BBS2: variants seen among roughly 807,000 people sequenced by gnomAD.
BBS2 encodes BBSome complex member BBS2.
Under a neutral mutation model 83.0 loss-of-function variants are expected in BBS2, and 62 were observed. The ratio of observed to expected loss-of-function variants is 0.75; its 90% CI spans 0.61 to 0.92. BBS2 has a LOEUF of 0.92. Among genes scored for constraint, BBS2 ranks in the 40% least tolerant of loss-of-function variants. The pLI is 0.00. For missense variants in BBS2, 784 were observed against 901.0 expected (o/e 0.87, Z 1.66); for synonymous variants, 303 against 326.1 (o/e 0.93, Z 0.76).
At chr16:56,517,476 G>C (rs1597030584) in intron 1 of BBS2, among the ~76,000 whole-genome samples, 1 of 152,342 alleles carries the variant, frequency 6.6e-6, no homozygotes, top group South Asian at 2.1e-4. Context: ...TGTTTCCTCA[G>C]TTCCTTCAAA....
intron 1 of BBS2, among the ~76,000 whole-genome samples, chr16:56,517,156 C>A (rs1206035477): frequency 6.6e-6 from 1 of 152,196 alleles, no homozygotes; most frequent in African/African-American, 2.4e-5. Context: ...CATCCCGTCA[C>A]AGAACATCTG....
intron 7 of BBS2, among the ~76,000 whole-genome samples, chr16:56,503,884 A>G (rs1403535639): frequency 1.0e-4 from 15 of 150,746 alleles, no homozygotes; most frequent in Non-Finnish European, 1.8e-4. Context: ...GCGCCACTGC[A>G]CTCCAGCCTG....
At chr16:56,502,904 T>C in intron 7 of BBS2, 96 bp from the exon 8 acceptor site, 2 of 1,446,946 alleles carry the variant, frequency 1.4e-6, no homozygotes, top group Non-Finnish European at 1.9e-6. Flanking sequence ...TCATTTAGTC[T>C]AGCAGTTTTC....
Position 56,506,278 on chromosome 16 carries a change from G to C in BBS2, c.613-54C>G, listed in dbSNP as rs4784675. On this transcript the variant is annotated intron_variant, in intron 5 of 16. Transcript: ENST00000245157. ...TCTTTTCATTAAGACTCAGTTTACTGTCAAGTACGGCTTTATAAGACTTCA... is the reference window on the plus strand; with the variant it reads ...TCTTTTCATTAAGACTCAGTTTACTCTCAAGTACGGCTTTATAAGACTTCA... 210,012 of 1,352,452 alleles carry C rather than the reference G, an allele frequency of 0.16. 17,360 individuals carry two copies. The highest frequency in any genetic ancestry group is 0.21 in the South Asian group (17,909 of 84,856). The allele number at this position is 1,352,452 out of a possible 1,614,324, so 83.8% of individuals were successfully genotyped here.
Position 56,484,547 on chromosome 16 carries a change from C to T in BBS2, c.*214G>A. 4.0e-6 allele frequency: 2 copies of T among 496,666 alleles called. No homozygotes were observed. The highest frequency in any genetic ancestry group is 6.4e-5 in the Admixed American group (2 of 31,420). The allele number at this position is 496,666 out of a possible 1,614,324, so 30.8% of individuals were successfully genotyped here. On this transcript the variant is annotated 3_prime_UTR_variant, in exon 17 of 17. Coordinates refer to ENST00000245157, the MANE Select transcript of BBS2 (RefSeq NM_031885.5). The stretch of plus-strand genomic sequence containing the variant: ...AAGCATTCATCCTATTCCATAAAAA[C>T]CTAGTATTATTCAGCAACAGTACTA...
intron 17 of BBS2, chr16:56,475,683 C>A (rs1963437948): frequency 1.3e-6 from 1 of 797,848 alleles, no homozygotes; most frequent in South Asian, 1.5e-5. Context: ...CTCTGCCAGG[C>A]AATGGTTCTA....
chr16:56,511,107 TTAAAAG>T lies in BBS2; in HGVS notation c.471+46_471+51del, dbSNP rs1370270209. 10 of 1,611,338 alleles carry T rather than the reference TTAAAAG, an allele frequency of 6.2e-6. No homozygotes were observed. The African/African-American group carries it at 1.2e-4, about 19-fold the overall frequency. ...TAGAGTTGGTGGTTAAAAAAGAACA[TTAAAAG>T]TAAAAATGCTTAAGGGTACCAAAAA... On this transcript the variant is annotated intron_variant, in intron 3 of 16. Coordinates refer to ENST00000245157, the MANE Select transcript of BBS2 (RefSeq NM_031885.5).
intron 7 of BBS2, among the ~76,000 whole-genome samples, chr16:56,504,511 T>C (rs545797930): frequency 3.9e-5 from 6 of 152,230 alleles, no homozygotes; most frequent in Admixed American, 1.3e-4. Context: ...ATTTATTTAA[T>C]ATTTTCACAC....
intron 17 of BBS2, chr16:56,474,986 C>T (rs377525236): frequency 3.8e-5 from 61 of 1,607,980 alleles, no homozygotes; most frequent in Admixed American, 1.0e-4. Context: ...GATTATTCCC[C>T]GTAGGAGGGG....
At position 56,511,202 on chromosome 16, in the gene BBS2, G is replaced by A. The variant is rs2144181662; in HGVS notation, c.428C>T (p.Ala143Val). ...SPLAIIGGNC[A>V]LQGFNHEGSD... ...TCCTTCATGATTGAAACCTTGCAGA[G>A]CACAATTGCCACCAATAATCGCAAG... The change falls in exon 3 of 17, where the codon GCT (alanine) becomes GTT (valine). Residue 143 changes from alanine to valine, a missense_variant. Physicochemically the swap from Ala to Val is moderately conservative, Grantham distance 64 (BLOSUM62 0). Transcript: ENST00000245157. The A allele has an allele frequency of 6.2e-7, 1 of 1,614,080 alleles. No homozygotes were observed. The highest frequency in any genetic ancestry group is 2.2e-5 in the East Asian group (1 of 44,862).
rs200621431 is a variant in BBS2 at position 56,485,696 on chromosome 16, A to G, written c.1953T>C (p.Asn651=). ...KSRYMELYDL[N]RDLLNGYKIR... Reference sequence around the variant, plus strand: ...TTTTATATCCATTTAGCAAGTCTCTATTAAGGTCATAGAGTTCCATATAAC... The same window carrying G: ...TTTTATATCCATTTAGCAAGTCTCTGTTAAGGTCATAGAGTTCCATATAAC... The change falls in exon 16 of 17, where the codon AAT becomes AAC. Residue 651 remains asparagine (N), a synonymous_variant. Coordinates refer to ENST00000245157, the MANE Select transcript of BBS2 (RefSeq NM_031885.5). 219 of 1,613,796 alleles carry G rather than the reference A, an allele frequency of 1.4e-4. No individual in the cohort carries two copies. The highest frequency in any genetic ancestry group is 1.8e-4 in the Non-Finnish European group (213 of 1,179,810).
intron 1 of BBS2, among the ~76,000 whole-genome samples, chr16:56,518,296 A>G (rs1964809739): frequency 6.6e-6 from 1 of 152,240 alleles, no homozygotes. Flanking sequence ...TTGTTACACA[A>G]ATCCTAGCTT....
chr16:56,502,907 C>T (rs1210290491), intron 7 of BBS2, 99 bp from the exon 8 acceptor site: 2 of 1,432,686 alleles, frequency 1.4e-6, no homozygotes, highest in African/African-American at 2.8e-5. Flanking sequence ...TTTAGTCTAG[C>T]AGTTTTCAAG....
intron 17 of BBS2, chr16:56,470,715 G>C: frequency 6.2e-7 from 1 of 1,614,062 alleles, no homozygotes; most frequent in Non-Finnish European, 8.5e-7. Flanking sequence ...AGAATAATCA[G>C]ATGGCCATCA....
At chr16:56,480,531 A>G (rs1225959714), downstream of BBS2, among the ~76,000 whole-genome samples, 3 of 151,884 alleles carry the variant, frequency 2.0e-5, no homozygotes, top group African/African-American at 7.3e-5. Flanking sequence ...TTCTGGGATT[A>G]CAGGTGCCTA....
At chr16:56,471,043 G>C (rs1166422053) in intron 17 of BBS2, among the ~76,000 whole-genome samples, 2 of 151,946 alleles carry the variant, frequency 1.3e-5, no homozygotes, top group Admixed American at 6.6e-5. Flanking sequence ...ATTGTAATAG[G>C]GTTATATGAC....
downstream of BBS2, among the ~76,000 whole-genome samples, chr16:56,479,794 T>C (rs1205351917): frequency 2.6e-5 from 4 of 152,228 alleles, no homozygotes; most frequent in African/African-American, 9.6e-5. Context: ...CACCTTCCCC[T>C]GGATGGATCT....
At chr16:56,496,478 C>A (rs563919773) in intron 15 of BBS2, among the ~76,000 whole-genome samples, 3 of 152,262 alleles carry the variant, frequency 2.0e-5, no homozygotes, top group Non-Finnish European at 4.4e-5. Flanking sequence ...ATAGTTTACT[C>A]TTTTCTCTAA....
intron 15 of BBS2, among the ~76,000 whole-genome samples, chr16:56,486,748 CTTTTTTTTTTTTT>C (rs1190474419): frequency 1.2e-4 from 10 of 84,216 alleles, no homozygotes; most frequent in African/African-American, 4.7e-4. Flanking sequence ...CAGAAATATT[CTTTTTTTTTTTTT>C]TTTTTTTTTT....
Sources: gnomAD v4.1 joint callset for allele counts (sites outside exome capture counted in the v4.1 genomes callset) on GRCh38, gnomAD v4.1.1 for gene constraint, MANE v1.5 for transcripts, NCBI Gene and HGNC (gene_info 2026-07-23, HGNC 2026-07-21) for gene names.